Variants in ZNF568 observed in about 807,000 individuals in gnomAD.
The protein encoded by ZNF568 is zinc finger protein 568, also known as p53 inhibitor of SCO2 activation.
In ZNF568, 11 loss-of-function variants were observed where a neutral mutation model predicts 18.1. The ratio of observed to expected loss-of-function variants is 0.61; its 90% CI spans 0.38 to 1.00. ZNF568 has a LOEUF of 1.00. Ranked by LOEUF, ZNF568 falls within the 50% of genes least tolerant of loss-of-function variation. The pLI is 0.01. For missense variants in ZNF568, 639 were observed against 768.2 expected (o/e 0.83, Z 1.99); for synonymous variants, 213 against 246.6 (o/e 0.86, Z 1.28).
chr19:36,995,817 A>G (rs1231203549), intron 4 of ZNF568, among the ~76,000 whole-genome samples: 1 of 152,160 alleles, frequency 6.6e-6, no homozygotes, highest in Non-Finnish European at 1.5e-5. Flanking sequence ...ACTTTGCTCC[A>G]AAATACTTCT....
intron 3 of ZNF568, among the ~76,000 whole-genome samples, chr19:36,923,973 T>G (rs1027871227): frequency 6.6e-6 from 1 of 152,206 alleles, no homozygotes; most frequent in Non-Finnish European, 1.5e-5. Flanking sequence ...CTATATTCTT[T>G]GTCCTTATGA....
intron 4 of ZNF568, chr19:36,991,915 G>GCTCATCTGTGAGAAGGCAA (rs1568410062): frequency 7.8e-7 from 1 of 1,274,882 alleles, no homozygotes; most frequent in African/African-American, 1.5e-5. Context: ...TGAGAAGGCA[G>GCTCATCTGTGAGAAGGCAA]CACTTCAGGG....
chr19:36,945,962 G>A (rs1030557531), intron 6 of ZNF568, among the ~76,000 whole-genome samples: 1 of 151,918 alleles, frequency 6.6e-6, no homozygotes, highest in African/African-American at 2.4e-5. Context: ...GGGCGTGGTG[G>A]TGTGCGCCTG....
Position 36,951,177 on chromosome 19 carries a change from T to C in ZNF568, c.*89T>C. The C allele has an allele frequency of 7.7e-7, 1 of 1,300,860 alleles. No homozygotes were observed. Among genetic ancestry groups the C allele is most frequent in the Non-Finnish European group, 1.0e-6 (1 of 976,738 alleles). The allele number at this position is 1,300,860 out of a possible 1,614,324, so 80.6% of individuals were successfully genotyped here. The stretch of plus-strand genomic sequence containing the variant: ...AAAGCCAGGATCTTTATGGAAAAAT[T>C]TTAATACTTTGTTAAAAGGTGTAAG... On this transcript the variant is annotated 3_prime_UTR_variant, in exon 7 of 7. Coordinates refer to ENST00000333987, the MANE Select transcript of ZNF568 (RefSeq NM_198539.4).
intron 2 of ZNF568, among the ~76,000 whole-genome samples, chr19:36,917,934 TTTG>T (rs895442341): frequency 1.2e-4 from 19 of 152,096 alleles, no homozygotes; most frequent in African/African-American, 4.3e-4. Context: ...TCTTCTAGTT[TTTG>T]TTGTTGTTGT....
chr19:36,931,900 T>C (rs510757), intron 4 of ZNF568, among the ~76,000 whole-genome samples: 56,354 of 151,888 alleles, frequency 0.37, 10,597 homozygotes, highest in African/African-American at 0.41. Context: ...TGTTTTCCCT[T>C]AAGGCTCTGA....
intron 7 of ZNF568, among the ~76,000 whole-genome samples, chr19:36,978,062 A>G (rs1490474773): frequency 1.3e-5 from 2 of 152,170 alleles, no homozygotes; most frequent in East Asian, 3.9e-4. Context: ...GTGGGAGTAG[A>G]TACTACATTG....
In ZNF568 at chr19:36,917,619, G is replaced by A. The variant is rs2073366900; in HGVS notation, c.-215G>A. On this transcript the variant is annotated 5_prime_UTR_variant, in exon 2 of 7. Coordinates refer to ENST00000333987, the MANE Select transcript of ZNF568 (RefSeq NM_198539.4). ...AGAGCATATTGCTGGGCTTACATCC[G>A]TTTATCTTGTTTGACTGTTATTTTA... 1 of 152,102 alleles carries A rather than the reference G, an allele frequency of 6.6e-6. No homozygotes were observed. 9.4% of individuals were successfully genotyped at this position (152,102 alleles called of 1,614,324 possible).
chr19:36,976,959 C>G (rs1644654), intron 7 of ZNF568, among the ~76,000 whole-genome samples: 83,049 of 151,930 alleles, frequency 0.55, 23,380 homozygotes, highest in African/African-American at 0.66. Flanking sequence ...CACCTACTGA[C>G]TTCCTTTGCC....
intron 4 of ZNF568, among the ~76,000 whole-genome samples, chr19:36,934,940 CT>C (rs74663110): frequency 3.8e-3 from 515 of 136,016 alleles, no homozygotes; most frequent in Middle Eastern, 7.5e-3. Flanking sequence ...TTTATTGAGG[CT>C]TTTTTTTTTT....
chr19:36,944,771 CTTCT>C (rs1015422072), intron 6 of ZNF568, among the ~76,000 whole-genome samples: 2 of 152,110 alleles, frequency 1.3e-5, no homozygotes, highest in African/African-American at 4.8e-5. Context: ...ATTAATCTAT[CTTCT>C]TTCTTTATAT....
rs1491540772 is a variant in ZNF568 at position 36,933,899 on chromosome 19, G to GT, written c.136-2836dup. On this transcript the variant is annotated intron_variant, in intron 4 of 6. Coordinates refer to ENST00000333987, the MANE Select transcript of ZNF568 (RefSeq NM_198539.4). ...AGGCCTGAGTTTTTCTTTTGGGTAG[G>GT]TTTTTTTTTTTGTTTTGTTTTTTTG... Among the ~76,000 whole-genome samples, 191 of 21,398 alleles carry GT rather than the reference G, an allele frequency of 8.9e-3. 1 individual carries two copies. The highest frequency in any genetic ancestry group is 0.036 in the Middle Eastern group (2 of 56). 14.0% of individuals were successfully genotyped at this position (21,398 alleles called of 152,430 possible). A position where few individuals can be genotyped will look rare whatever the true frequency, so the allele number is the denominator to read the frequency against.
At position 36,991,193 on chromosome 19, in the gene ZNF568, T is replaced by G. The variant is rs748854634; in HGVS notation, c.27T>G (p.Asp9Glu). The change falls in exon 3 of 5, where the codon GAT (aspartate) becomes GAG (glutamate). Residue 9 changes from aspartate (D) to glutamate (E), a missense_variant. By Grantham distance (45) the Asp-to-Glu change is conservative. Coordinates refer to the ZNF568 transcript ENST00000433993. ...GGTTTCAGGGCTTGAAGTTCAAAGA[T>G]GTGGTCATTTACTTCTCTCAAAAGG... 4 of 1,535,900 alleles carry G rather than the reference T, an allele frequency of 2.6e-6. No homozygotes were observed. In the South Asian group the frequency reaches 3.6e-5, roughly 14 times the overall value.
At chr19:36,983,893 CTTTTTTTTTT>C (rs57048125), downstream of ZNF568, among the ~76,000 whole-genome samples, 2 of 108,570 alleles carry the variant, frequency 1.8e-5, no homozygotes, top group African/African-American at 7.7e-5. Context: ...CAACTTTGTC[CTTTTTTTTTT>C]TTTTTTTTTT....
At chr19:36,932,336 C>CCCACACTT (rs1253484719) in intron 4 of ZNF568, among the ~76,000 whole-genome samples, 1 of 152,160 alleles carries the variant, frequency 6.6e-6, no homozygotes, top group Non-Finnish European at 1.5e-5. Context: ...TGCCTGTAAT[C>CCCACACTT]CCACACTTTG....
intron 4 of ZNF568, among the ~76,000 whole-genome samples, chr19:36,933,233 T>C (rs1170318490): frequency 6.6e-6 from 1 of 151,344 alleles, no homozygotes. Flanking sequence ...CTTCATTCCC[T>C]TGCATGCAGA....
chr19:36,927,978 G>A (rs373040665), intron 4 of ZNF568, among the ~76,000 whole-genome samples: 1 of 133,280 alleles, frequency 7.5e-6, no homozygotes, highest in South Asian at 2.6e-4. Context: ...GCAGTGACAC[G>A]ATCTTGGCTC....
At chr19:36,934,719 G>T (rs2073759756) in intron 4 of ZNF568, among the ~76,000 whole-genome samples, 1 of 152,022 alleles carries the variant, frequency 6.6e-6, no homozygotes, top group East Asian at 1.9e-4. Flanking sequence ...TGCTTTAATG[G>T]CATTCCATAA....
At chr19:36,960,147 TC>T in intron 6 of ZNF568, among the ~76,000 whole-genome samples, 1 of 135,660 alleles carries the variant, frequency 7.4e-6, no homozygotes, top group African/African-American at 2.7e-5. Flanking sequence ...CAGAGTCTCC[TC>T]GCTCTGTTGC....
Sources: allele counts gnomAD v4.1 joint callset (sites outside exome capture counted in the v4.1 genomes callset), GRCh38; gene constraint gnomAD v4.1.1; transcripts MANE v1.5; gene names NCBI Gene and HGNC (gene_info 2026-07-23, HGNC 2026-07-21).